Variants in MYRFL observed in about 807,000 individuals in gnomAD.
MYRFL encodes myelin regulatory factor like.
In MYRFL, 88 loss-of-function variants were observed where a neutral mutation model predicts 109.4. The observed-to-expected ratio is 0.80, with a 90% CI of 0.68 to 0.96. The LOEUF is 0.96. MYRFL is among the 40% of genes least tolerant of loss of function. The pLI, the probability that MYRFL is intolerant of heterozygous loss-of-function variation, is 0.00. For synonymous variants in MYRFL, 324 were observed against 320.9 expected (o/e 1.01, Z -0.10); for missense variants, 957 against 954.9 (o/e 1.00, Z -0.03).
At chr12:69,899,535 A>G (rs562324399) in intron 10 of MYRFL, among the ~76,000 whole-genome samples, 1 of 152,366 alleles carries the variant, frequency 6.6e-6, no homozygotes, top group African/African-American at 2.4e-5. Flanking sequence ...GAAAAATTTG[A>G]CAAAGACACT....
At chr12:69,904,177 T>G (rs1414758471) in intron 11 of MYRFL, 6 of 216,916 alleles carry the variant, frequency 2.8e-5, no homozygotes, top group African/African-American at 1.1e-4. Context: ...GCCTTTTCCT[T>G]TCTGTCTCCC....
At chr12:69,919,544 C>T (rs954908432) in intron 13 of MYRFL, among the ~76,000 whole-genome samples, 2 of 152,168 alleles carry the variant, frequency 1.3e-5, no homozygotes, top group African/African-American at 4.8e-5. Context: ...GTTGAAAAGC[C>T]ACCTGGAAGT....
chr12:69,870,206 TCAAGCAAGCACG>T (rs1885272072), intron 2 of MYRFL, among the ~76,000 whole-genome samples: 1 of 141,924 alleles, frequency 7.0e-6, no homozygotes, highest in Non-Finnish European at 1.5e-5. Flanking sequence ...CCTCCTGGGT[TCAAGCAAGCACG>T]TCTGGCTAAT....
chr12:69,927,822 A>T (rs912045876), intron 15 of MYRFL, 74 bp downstream of exon 15: 1 of 1,347,772 alleles, frequency 7.4e-7, no homozygotes, highest in Non-Finnish European at 1.0e-6. Flanking sequence ...TCAGTCAAGA[A>T]TTTTTTTCTC....
intron 1 of MYRFL, among the ~76,000 whole-genome samples, chr12:69,848,154 T>C (rs1682160369): frequency 6.6e-6 from 1 of 152,142 alleles, no homozygotes. Flanking sequence ...ATTTCTGGAC[T>C]TTATTATGTT....
At chr12:69,896,056 T>C (rs1953982078) in intron 9 of MYRFL, among the ~76,000 whole-genome samples, 1 of 152,206 alleles carries the variant, frequency 6.6e-6, no homozygotes, top group African/African-American at 2.4e-5. Flanking sequence ...CACTGATACA[T>C]ACTCAAGTTT....
chr12:69,895,998 C>T (rs1953980576), intron 9 of MYRFL, among the ~76,000 whole-genome samples: 1 of 152,154 alleles, frequency 6.6e-6, no homozygotes, highest in Non-Finnish European at 1.5e-5. Context: ...ATCAAAAACT[C>T]TGGGGATGGG....
intron 15 of MYRFL, among the ~76,000 whole-genome samples, chr12:69,931,477 A>G (rs1955266657): frequency 1.3e-5 from 2 of 152,288 alleles, no homozygotes; most frequent in Admixed American, 6.5e-5. Flanking sequence ...CCCCTACCCT[A>G]TGTTACATTG....
chr12:69,869,622 T>C (rs529350358), intron 2 of MYRFL, among the ~76,000 whole-genome samples: 1 of 152,358 alleles, frequency 6.6e-6, no homozygotes, highest in East Asian at 1.9e-4. Flanking sequence ...GGCACTGTGC[T>C]GAGCCGAGCT....
intron 19 of MYRFL, among the ~76,000 whole-genome samples, chr12:69,937,238 C>T (rs1285734613): frequency 6.6e-6 from 1 of 152,036 alleles, no homozygotes; most frequent in Non-Finnish European, 1.5e-5. Flanking sequence ...CATAAGATTA[C>T]ATACAAGTCT....
At chr12:69,835,383 G>A (rs556758325) in intron 1 of MYRFL, among the ~76,000 whole-genome samples, 11 of 152,330 alleles carry the variant, frequency 7.2e-5, no homozygotes, top group South Asian at 4.1e-4. Flanking sequence ...AGGTTTGAAA[G>A]TCCATATAAT....
chr12:69,895,215 G>A (rs140095480), intron 8 of MYRFL, among the ~76,000 whole-genome samples, 156 bp from the exon 9 acceptor site: 13 of 152,322 alleles, frequency 8.5e-5, no homozygotes, highest in African/African-American at 3.1e-4. Flanking sequence ...GCTGTGGATA[G>A]CAGTTAATAA....
chr12:69,878,652 C>T (rs1885845871), intron 2 of MYRFL, among the ~76,000 whole-genome samples: 1 of 152,172 alleles, frequency 6.6e-6, no homozygotes, highest in South Asian at 2.1e-4. Flanking sequence ...TGGGCACTCA[C>T]TATGTTTGGG....
chr12:69,936,002 CTGTG>C (rs1295941611), intron 16 of MYRFL, 107 bp from the exon 17 acceptor site: 3 of 1,298,420 alleles, frequency 2.3e-6, no homozygotes, highest in Non-Finnish European at 2.1e-6. Context: ...CTGCTCCCAT[CTGTG>C]TGGCCTGTGA....
rs113787453 is a variant in MYRFL at position 69,904,181 on chromosome 12, G to A, written c.1383+337G>A. 2.1e-3 allele frequency: 441 copies of A among 210,154 alleles called. 2 individuals are homozygous for A. Among genetic ancestry groups the A allele is most frequent in the African/African-American group, 9.5e-3 (415 of 43,864 alleles). 13.0% of individuals were successfully genotyped at this position (210,154 alleles called of 1,614,324 possible). Reference sequence around the variant, plus strand: ...TTCCAGAGCTTGCCTTTTCCTTTCTGTCTCCCCACTCATCTTCCAAGCACT... The same window carrying A: ...TTCCAGAGCTTGCCTTTTCCTTTCTATCTCCCCACTCATCTTCCAAGCACT... On this transcript the variant is annotated intron_variant, in intron 11 of 24. Coordinates refer to ENST00000552032, the MANE Select transcript of MYRFL (RefSeq NM_182530.3).
chr12:69,863,050 A>G (rs1884791343), intron 2 of MYRFL, among the ~76,000 whole-genome samples: 2 of 151,856 alleles, frequency 1.3e-5, no homozygotes, highest in African/African-American at 2.4e-5. Flanking sequence ...GCTGGATTAC[A>G]TTTATTGATT....
chr12:69,841,482 C>T (rs908165829), intron 1 of MYRFL, among the ~76,000 whole-genome samples: 2 of 152,202 alleles, frequency 1.3e-5, no homozygotes, highest in African/African-American at 4.8e-5. Flanking sequence ...TGTAAATGCT[C>T]TCACTATGGC....
In MYRFL at chr12:69,940,013, A is replaced by G. The variant is rs546103182; in HGVS notation, c.2224+3381A>G. ...GGAAAGTTTAGAGAAAAAAGAATAA[A>G]AAGAAATGAGCAAAGCCTCCAAGAA... is the stretch of plus-strand genomic sequence containing the variant. On this transcript the variant is annotated intron_variant, in intron 19 of 24. Transcript: ENST00000552032. 1.6e-3 allele frequency among the ~76,000 whole-genome samples: 248 copies of G among 151,886 alleles called. 2 individuals carry two copies. Among genetic ancestry groups the G allele is most frequent in the African/African-American group, 5.8e-3 (242 of 41,458 alleles).
At chr12:69,890,805 T>C (rs111789888) in intron 6 of MYRFL, among the ~76,000 whole-genome samples, 166 bp from the exon 7 acceptor site, 3,052 of 152,338 alleles carry the variant, frequency 0.02, 98 homozygotes, top group African/African-American at 0.07. Context: ...TTTGAAATGT[T>C]ATTTTTATTT....
Sources: gnomAD v4.1 joint callset for allele counts (sites outside exome capture counted in the v4.1 genomes callset) on GRCh38, gnomAD v4.1.1 for gene constraint, MANE v1.5 for transcripts, NCBI Gene and HGNC (gene_info 2026-07-23, HGNC 2026-07-21) for gene names.